The following TMCO4 variants were observed in gnomAD, a reference collection of about 807,000 sequenced individuals.
TMCO4 encodes transmembrane and coiled-coil domains 4.
TMCO4 carries 58 observed loss-of-function variants against 64.7 expected under a neutral mutation model. The ratio of observed to expected loss-of-function variants is 0.90; its 90% confidence interval spans 0.73 to 1.12. The LOEUF (loss-of-function observed/expected upper bound fraction) is 1.12. Ranked by LOEUF, TMCO4 falls within the 50% of genes most tolerant of loss-of-function variation. The probability of loss-of-function intolerance (pLI) is 0.00; values close to 1 mark genes in which losing one functional copy is unlikely to be tolerated. For missense variants in TMCO4, 780 were observed against 825.9 expected, an observed-to-expected ratio of 0.94 and a Z score of 0.68; for synonymous variants, 325 against 346.1, an observed-to-expected ratio of 0.94 and a Z score of 0.68.
At chr1:19,688,581 G>C (rs2095168072) in intron 15 of TMCO4, among the ~76,000 whole-genome samples, 1 of 152,100 alleles carries the variant, frequency 6.6e-6, no homozygotes, top group African/African-American at 2.4e-5. Context: ...AGGCTTATTG[G>C]CACAGGGTTA....
At chr1:19,749,394 G>C (rs989784603) in intron 7 of TMCO4, among the ~76,000 whole-genome samples, 7 of 151,750 alleles carry the variant, frequency 4.6e-5, no homozygotes, top group Non-Finnish European at 8.8e-5. Context: ...TTGAGACAAG[G>C]CCTGGCTCTG....
chr1:19,726,025 T>C (rs2095407415), intron 13 of TMCO4, among the ~76,000 whole-genome samples: 1 of 152,360 alleles, frequency 6.6e-6, no homozygotes, highest in Admixed American at 6.5e-5. Context: ...GCTGCCTTTG[T>C]GTCCCTCACG....
intron 13 of TMCO4, among the ~76,000 whole-genome samples, chr1:19,719,036 G>C (rs879260743): frequency 6.6e-6 from 1 of 152,156 alleles, no homozygotes. Flanking sequence ...ACTCATCAAA[G>C]CTGAAGAGAT....
At chr1:19,797,290 A>G (rs12118449) in intron 2 of TMCO4, among the ~76,000 whole-genome samples, 6,467 of 152,212 alleles carry the variant, frequency 0.042, 301 homozygotes, top group African/African-American at 0.12. Flanking sequence ...CCTGAACTTA[A>G]CCTCTGACAT....
rs553066344 is a variant in TMCO4 at position 19,682,506 on chromosome 1, C to G, written c.*534G>C. 1.2e-4 allele frequency: 79 copies of G among 679,278 alleles called. No homozygotes were observed. Among genetic ancestry groups the G allele is most frequent in the Non-Finnish European group, 1.8e-4 (67 of 365,926 alleles). 42.1% of individuals were successfully genotyped at this position (679,278 alleles called of 1,614,324 possible). On this transcript the variant is annotated 3_prime_UTR_variant, in exon 16 of 16. Coordinates refer to ENST00000294543, the MANE Select transcript of TMCO4 (RefSeq NM_181719.7). Reference sequence around the variant, plus strand: ...TACAGGGCAGATCTGATTGGATCTCCTAAGAGCAGGAGTGAGCTGCCTTCT... The same window carrying G: ...TACAGGGCAGATCTGATTGGATCTCGTAAGAGCAGGAGTGAGCTGCCTTCT...
At chr1:19,787,902 C>T (rs2043823742) in intron 2 of TMCO4, among the ~76,000 whole-genome samples, 1 of 152,076 alleles carries the variant, frequency 6.6e-6, no homozygotes, top group Non-Finnish European at 1.5e-5. Context: ...ATTACAGGCA[C>T]GCACCACCAT....
At chr1:19,778,677 A>G (rs765579284) in intron 4 of TMCO4, among the ~76,000 whole-genome samples, 64 of 152,236 alleles carry the variant, frequency 4.2e-4, no homozygotes, top group Non-Finnish European at 8.2e-4. Context: ...TCGAGGTCAC[A>G]TGAGACTGGA....
chr1:19,765,952 C>T (rs1464459606), intron 6 of TMCO4, among the ~76,000 whole-genome samples: 2 of 152,210 alleles, frequency 1.3e-5, no homozygotes, highest in Admixed American at 6.5e-5. Context: ...GGAAGACATT[C>T]AGCAAATCAT....
chr1:19,724,834 T>C (rs1324012736), intron 13 of TMCO4, among the ~76,000 whole-genome samples: 1 of 152,192 alleles, frequency 6.6e-6, no homozygotes, highest in African/African-American at 2.4e-5. Flanking sequence ...CAATCTCTGC[T>C]CACTGCAACC....
At chr1:19,723,492 G>A (rs2095395113) in intron 13 of TMCO4, among the ~76,000 whole-genome samples, 2 of 152,204 alleles carry the variant, frequency 1.3e-5, no homozygotes, top group East Asian at 1.9e-4. Context: ...CTTAGGTGGC[G>A]TTGAAGTGAT....
chr1:19,755,119 A>ATCTTT (rs905243454), intron 7 of TMCO4, among the ~76,000 whole-genome samples: 15 of 151,874 alleles, frequency 9.9e-5, no homozygotes, highest in South Asian at 2.1e-4. Context: ...CATTCATTCC[A>ATCTTT]TCTTTTCTTT....
At chr1:19,767,814 G>A (rs576803925) in intron 6 of TMCO4, among the ~76,000 whole-genome samples, 30 of 152,242 alleles carry the variant, frequency 2.0e-4, no homozygotes, top group East Asian at 1.4e-3. Flanking sequence ...GAGGATCGCC[G>A]GGCATGGTGG....
rs143518053 is a variant in TMCO4 at position 19,718,912 on chromosome 1, C to T, written c.1265-18027G>A. ...CCCATTGCTCCCTGAGCCTGAGATC[C>T]AGGTACAACAACAATCCCATGAAGC... On this transcript the variant is annotated intron_variant, in intron 13 of 15. Transcript: ENST00000294543. Among the ~76,000 whole-genome samples, 439 of 152,246 alleles carry T rather than the reference C, an allele frequency of 2.9e-3. 1 individual carries two copies. The highest frequency in any genetic ancestry group is 9.8e-3 in the African/African-American group (408 of 41,532).
chr1:19,700,961 G>T, intron 13 of TMCO4, 76 bp from the exon 14 acceptor site: 1 of 1,165,174 alleles, frequency 8.6e-7, no homozygotes, highest in Non-Finnish European at 1.3e-6. Context: ...AACAGCAGTG[G>T]AGGAGATGAA....
chr1:19,683,472 C>T lies in TMCO4; in HGVS notation c.1501-28G>A, dbSNP rs751207585. ...GCAGGAGACAGTGAGTGAGCACCACCGTGGGTGTGCAGAGCCCAGCCCTCC... is the reference window on the plus strand; with the variant it reads ...GCAGGAGACAGTGAGTGAGCACCACTGTGGGTGTGCAGAGCCCAGCCCTCC... On this transcript the variant is annotated intron_variant, in intron 15 of 15. Transcript: ENST00000294543. 40 of 1,609,068 alleles carry T rather than the reference C, an allele frequency of 2.5e-5. No homozygotes were observed. The East Asian group carries it at 3.6e-4, about 14-fold the overall frequency.
intron 6 of TMCO4, among the ~76,000 whole-genome samples, chr1:19,764,687 T>C (rs1331803684): frequency 6.6e-6 from 1 of 152,086 alleles, no homozygotes; most frequent in Non-Finnish European, 1.5e-5. Context: ...ACCCTGTCTC[T>C]ACTAAAAATA....
intron 6 of TMCO4, among the ~76,000 whole-genome samples, chr1:19,762,728 AG>A (rs957036912): frequency 6.6e-6 from 1 of 152,208 alleles, no homozygotes; most frequent in African/African-American, 2.4e-5. Context: ...CCAAATCAGG[AG>A]CGGGGGGCAG....
At position 19,718,665 on chromosome 1, in the gene TMCO4, A is replaced by AAAAAAAAAAAG. The variant is rs1450808804; in HGVS notation, c.1265-17781_1265-17780insCTTTTTTTTTT. On this transcript the variant is annotated intron_variant, in intron 13 of 15. Transcript: ENST00000294543. ...GACCGTCTCTCAAAAAAAAAAAAAA[A>AAAAAAAAAAAG]AGAGAGAGAGAAAATGCAACACCTG... Among the ~76,000 whole-genome samples the AAAAAAAAAAAG allele has an allele frequency of 4.9e-4, 71 of 146,274 alleles. 4 individuals carry two copies. Among genetic ancestry groups the AAAAAAAAAAAG allele is most frequent in the African/African-American group, 1.4e-3 (51 of 37,336 alleles).
At chr1:19,774,116 T>C (rs2043104947) in intron 4 of TMCO4, among the ~76,000 whole-genome samples, 1 of 152,228 alleles carries the variant, frequency 6.6e-6, no homozygotes, top group African/African-American at 2.4e-5. Context: ...TTTGCCCCAC[T>C]GCAATTTACT....
Sources: allele counts gnomAD v4.1 joint callset (sites outside exome capture counted in the v4.1 genomes callset), GRCh38; gene constraint gnomAD v4.1.1; transcripts MANE v1.5; gene names NCBI Gene and HGNC (gene_info 2026-07-23, HGNC 2026-07-21).